The following PCDH9 variants were observed in gnomAD, a reference collection of about 807,000 sequenced individuals.
PCDH9 encodes protocadherin-9.
A neutral mutation model predicts 70.6 loss-of-function variants in PCDH9; 24 were observed. The ratio of observed to expected loss-of-function variants is 0.34; its 90% CI spans 0.25 to 0.48. PCDH9 has a LOEUF of 0.48. PCDH9 is among the 20% of genes least tolerant of loss of function. The pLI is 0.99. For synonymous variants in PCDH9, 562 were observed against 558.5 expected (o/e 1.01, Z -0.09); for missense variants, 1,281 against 1,503.6 (o/e 0.85, Z 2.45).
chr13:66,712,695 A>G (rs893904759), intron 3 of PCDH9, among the ~76,000 whole-genome samples: 1 of 152,082 alleles, frequency 6.6e-6, no homozygotes, highest in Non-Finnish European at 1.5e-5. Context: ...TTTATTTTCT[A>G]TTGTTGCTAG....
At chr13:67,155,269 A>G (rs117337899) in intron 2 of PCDH9, among the ~76,000 whole-genome samples, 68 of 152,288 alleles carry the variant, frequency 4.5e-4, no homozygotes, top group Non-Finnish European at 8.8e-4. Flanking sequence ...TTTTTCAGAG[A>G]TATTTCAGTG....
At chr13:66,966,051 T>C (rs1231051588) in intron 2 of PCDH9, among the ~76,000 whole-genome samples, 3 of 152,118 alleles carry the variant, frequency 2.0e-5, no homozygotes, top group African/African-American at 7.2e-5. Flanking sequence ...AATAGCTGAA[T>C]TGCATGCCAT....
chr13:66,349,402 A>G (rs1223082274), intron 4 of PCDH9, among the ~76,000 whole-genome samples: 1 of 152,214 alleles, frequency 6.6e-6, no homozygotes, highest in Non-Finnish European at 1.5e-5. Context: ...CAAAGCAGAA[A>G]TGATTATGAC....
intron 3 of PCDH9, among the ~76,000 whole-genome samples, chr13:66,710,820 C>T (rs1435275796): frequency 2.0e-5 from 3 of 152,074 alleles, no homozygotes; most frequent in East Asian, 3.9e-4. Context: ...TTTCCCTCAA[C>T]ATTCAAATCC....
rs2089843106 is a variant in PCDH9 at position 67,225,694 on chromosome 13, C to T, written c.2747G>A (p.Gly916Glu). 1.9e-6 allele frequency: 3 copies of T among 1,614,128 alleles called. No homozygotes were observed. In the East Asian group the frequency reaches 6.7e-5, roughly 36 times the overall value. ...LPAELEEQSI[G>E]RFDWGPAPPT... is the part of the protein sequence containing the mutation. ...AGGTGCCGGGCCCCAGTCAAATCTT[C>T]CTATACTTTGCTCCTCCAGTTCAGC... Residue 916 changes from glycine to glutamate, a missense_variant, in exon 2 of 5, where the codon GGA becomes GAA. Coordinates refer to ENST00000377865, the MANE Select transcript of PCDH9 (RefSeq NM_203487.3).
At chr13:67,164,125 G>A (rs920978169) in intron 2 of PCDH9, among the ~76,000 whole-genome samples, 3 of 152,126 alleles carry the variant, frequency 2.0e-5, no homozygotes, top group African/African-American at 7.2e-5. Context: ...CAATCATAAT[G>A]CATCTTCAAG....
chr13:66,752,836 G>C (rs1021523130), intron 3 of PCDH9, among the ~76,000 whole-genome samples: 9 of 152,140 alleles, frequency 5.9e-5, no homozygotes, highest in Non-Finnish European at 1.3e-4. Flanking sequence ...AAGAGAAATA[G>C]GGGTTAACCT....
intron 4 of PCDH9, among the ~76,000 whole-genome samples, chr13:66,516,217 G>A (rs1455101931): frequency 6.6e-6 from 1 of 151,932 alleles, no homozygotes; most frequent in Non-Finnish European, 1.5e-5. Context: ...TCTACTGAAT[G>A]CATATGATAT....
intron 2 of PCDH9, chr13:67,214,933 C>CATATATATATATAT (rs1388312996): frequency 6.9e-4 from 18 of 26,148 alleles, no homozygotes; most frequent in African/African-American, 2.1e-3. Context: ...TATTGCGAGC[C>CATATATATATATAT]AGATATATAT....
intron 2 of PCDH9, among the ~76,000 whole-genome samples, chr13:67,100,552 G>A (rs958935394): frequency 2.0e-5 from 3 of 152,126 alleles, no homozygotes; most frequent in Non-Finnish European, 2.9e-5. Flanking sequence ...TGCTGTTAAC[G>A]CAAGAATTAA....
chr13:66,428,496 G>A lies in PCDH9; in HGVS notation c.3341-123468C>T, dbSNP rs528025119. ...TCTCCTCAAGACAGACATTAGAGCT[G>A]TCATCTTTTTATTGACAACTTTTAG... On this transcript the variant is annotated intron_variant, in intron 4 of 4. Coordinates refer to ENST00000377865, the MANE Select transcript of PCDH9 (RefSeq NM_203487.3). Among the ~76,000 whole-genome samples the A allele has an allele frequency of 3.3e-5, 5 of 151,820 alleles. No homozygotes were observed. In the South Asian group the frequency reaches 1.0e-3, roughly 31 times the overall value.
At chr13:66,392,573 T>C (rs148386951) in intron 4 of PCDH9, among the ~76,000 whole-genome samples, 1 of 152,314 alleles carries the variant, frequency 6.6e-6, no homozygotes, top group Non-Finnish European at 1.5e-5. Flanking sequence ...AAAACAGTGT[T>C]GTTTGCCACA....
intron 3 of PCDH9, among the ~76,000 whole-genome samples, chr13:66,637,016 T>A (rs1195684762): frequency 6.6e-6 from 1 of 152,154 alleles, no homozygotes; most frequent in Non-Finnish European, 1.5e-5. Flanking sequence ...ATATTTCTTA[T>A]AATATTCACT....
In PCDH9 at chr13:67,165,726, T is replaced by A. The variant is rs183625796; in HGVS notation, c.3036+59679A>T. On this transcript the variant is annotated intron_variant, in intron 2 of 4. Transcript: ENST00000377865. The stretch of plus-strand genomic sequence containing the variant: ...AGTCAATTTTAAACACATTATCTTT[T>A]AAAAAAATGTTTAACAGTTGTATAG... Among the ~76,000 whole-genome samples the A allele has an allele frequency of 5.5e-3, 831 of 152,284 alleles. 3 individuals carry two copies. The highest frequency in any genetic ancestry group is 5.1e-3 in the Non-Finnish European group (348 of 67,988).
chr13:67,087,606 G>A (rs1398700657), intron 2 of PCDH9, among the ~76,000 whole-genome samples: 1 of 152,038 alleles, frequency 6.6e-6, no homozygotes, highest in Non-Finnish European at 1.5e-5. Flanking sequence ...CTCCCTCCAA[G>A]CTTTGTTCCT....
chr13:67,156,376 G>A (rs970322955), intron 2 of PCDH9, among the ~76,000 whole-genome samples: 3 of 152,106 alleles, frequency 2.0e-5, no homozygotes, highest in African/African-American at 7.2e-5. Flanking sequence ...GCACATCAAT[G>A]AAAGAAGGCA....
chr13:66,761,919 G>T (rs958302576), intron 3 of PCDH9, among the ~76,000 whole-genome samples: 4 of 151,022 alleles, frequency 2.6e-5, no homozygotes, highest in Non-Finnish European at 5.9e-5. Flanking sequence ...ATTTGGTAGT[G>T]TCATTTTCCC....
intron 2 of PCDH9, among the ~76,000 whole-genome samples, chr13:67,178,850 C>T (rs2088537814): frequency 6.6e-6 from 1 of 152,016 alleles, no homozygotes; most frequent in South Asian, 2.1e-4. Flanking sequence ...CTCAAAACCA[C>T]CTCATCCAGG....
At chr13:66,476,765 A>T (rs1377316071) in intron 4 of PCDH9, among the ~76,000 whole-genome samples, 1 of 152,030 alleles carries the variant, frequency 6.6e-6, no homozygotes, top group Non-Finnish European at 1.5e-5. Flanking sequence ...ATCACAAACC[A>T]GGAGTGTTAT....
Sources: gnomAD v4.1 joint callset for allele counts (sites outside exome capture counted in the v4.1 genomes callset) on GRCh38, gnomAD v4.1.1 for gene constraint, MANE v1.5 for transcripts, NCBI Gene and HGNC (gene_info 2026-07-23, HGNC 2026-07-21) for gene names.